PANK4: variants seen among roughly 807,000 people sequenced by gnomAD.
PANK4 encodes the protein pantothenate kinase 4 (inactive).
In PANK4, 40 loss-of-function variants were observed where a neutral mutation model predicts 87.9. The ratio of observed to expected loss-of-function variants is 0.46; its 90% confidence interval spans 0.35 to 0.59. The LOEUF (loss-of-function observed/expected upper bound fraction) is 0.59, where lower values mean the gene tolerates loss of function less well. PANK4 is among the 20% of genes least tolerant of loss of function. PANK4 has a pLI of 0.00. For missense variants in PANK4, 926 were observed against 1,072.3 expected, an observed-to-expected ratio of 0.86 and a Z score of 1.90; for synonymous variants, 524 against 467.4, an observed-to-expected ratio of 1.12 and a Z score of -1.56.
rs528581753 is a variant in PANK4, at chr1:2,508,964, G to A, written c.2205C>T (p.His735=). The A allele has an allele frequency of 6.6e-5, 107 of 1,610,072 alleles. No individual in the cohort carries two copies. The highest frequency in any genetic ancestry group is 8.4e-5 in the Non-Finnish European group (99 of 1,179,224). The part of the protein sequence containing the change: ...GMGRAVHTNY[H]AALRCESLKL... ...TGAGGCTCTCGCAGCGCAGGGCTGC[G>A]TGGTAGTTTGTGTGGACAGCACGGC... Residue 735 remains histidine (H), a synonymous_variant, in exon 19 of 19, where the codon CAC becomes CAT. Transcript: ENST00000378466. The surrounding 1 kb of genome is among the most constrained non-coding windows in gnomAD (Gnocchi z 5.1).
Position 2,520,307 on chromosome 1 carries a change from G to T in PANK4, c.699+15C>A. 6.2e-7 allele frequency: 1 copy of T among 1,609,958 alleles called. No homozygotes were observed. Among genetic ancestry groups the T allele is most frequent in the South Asian group, 1.1e-5 (1 of 91,046 alleles). On this transcript the variant is annotated intron_variant, in intron 5 of 18. Coordinates refer to ENST00000378466, the MANE Select transcript of PANK4 (RefSeq NM_018216.4). This position sits in a 1 kb window ranked among gnomAD's most constrained non-coding sequence, Gnocchi z 6.2. ...TCCGCAGACCCCTGGAAGGTCTCTGGCAGCTGCCGCATACCTTCGTTTTGG... is the reference window on the plus strand; with the variant it reads ...TCCGCAGACCCCTGGAAGGTCTCTGTCAGCTGCCGCATACCTTCGTTTTGG...
Position 2,519,900 on chromosome 1 carries a change from T to G in PANK4, c.754A>C (p.Met252Leu). The G allele has an allele frequency of 6.4e-7, 1 of 1,568,060 alleles. No individual in the cohort carries two copies. The highest frequency in any genetic ancestry group is 8.6e-7 in the Non-Finnish European group (1 of 1,156,520). The stretch of plus-strand genomic sequence containing the variant: ...CCGCCGTAGACGTCCCGCACCAGCA[T>G]GTCCACATTGCTGTGCTGGCCCCTC... ...ASRGQHSNVDMLVRDVYGGAH... is the reference protein window; with the variant it reads ...ASRGQHSNVDLLVRDVYGGAH... Residue 252 changes from methionine to leucine, a missense_variant, in exon 6 of 19, where the codon ATG (methionine) becomes CTG (leucine). Met to Leu is a conservative substitution (Grantham distance 15). Transcript: ENST00000378466. This position sits in a 1 kb window ranked among gnomAD's most constrained non-coding sequence, Gnocchi z 8.3.
intron 11 of PANK4, 54 bp from the exon 12 acceptor site, chr1:2,514,143 G>A (rs1643715262): frequency 1.7e-5 from 24 of 1,439,506 alleles, no homozygotes; most frequent in South Asian, 2.3e-5. Flanking sequence ...ACACCCGCCC[G>A]TCTGCCATCC....
chr1:2,514,643 T>C lies in PANK4; in HGVS notation c.1375-177A>G, dbSNP rs558296586. ...GGTGGGAGCCGGCTGTCGGGGGCTG[T>C]TTGGGGCAGGGTGGGGGCTAGCTAT... is the stretch of plus-strand genomic sequence containing the variant. On this transcript the variant is annotated intron_variant, in intron 10 of 18. Coordinates refer to ENST00000378466, the MANE Select transcript of PANK4 (RefSeq NM_018216.4). Among the ~76,000 whole-genome samples the C allele has an allele frequency of 1.4e-4, 9 of 65,072 alleles. No homozygotes were observed. The South Asian group carries it at 4.9e-3, about 35-fold the overall frequency. 42.7% of individuals were successfully genotyped at this position (65,072 alleles called of 152,430 possible).
intron 1 of PANK4, chr1:2,522,046 G>T: frequency 3.7e-6 from 2 of 547,138 alleles, no homozygotes; most frequent in Non-Finnish European, 6.6e-6. Context: ...AGCTCAAGAG[G>T]TCCCGCTTCC....
Position 2,520,637 on chromosome 1 carries a change from GC to G in PANK4, c.606+85del, listed in dbSNP as rs1410065049. ...CCCGCCCACTGGGCCCCATCCATGT[GC>G]CCAGCCCTGGCTCCTGCACACAGCG... is the stretch of plus-strand genomic sequence containing the variant. On this transcript the variant is annotated intron_variant, in intron 4 of 18. Coordinates refer to ENST00000378466, the MANE Select transcript of PANK4 (RefSeq NM_018216.4). This position sits in a 1 kb window ranked among gnomAD's most constrained non-coding sequence, Gnocchi z 6.2. 12 of 1,347,232 alleles carry G rather than the reference GC, an allele frequency of 8.9e-6. No homozygotes were observed. The highest frequency in any genetic ancestry group is 1.1e-5 in the Non-Finnish European group (11 of 961,388). 83.5% of individuals were successfully genotyped at this position (1,347,232 alleles called of 1,614,324 possible). A position where few individuals can be genotyped will look rare whatever the true frequency, so the allele number is the denominator to read the frequency against.
rs1643871978 is a variant in PANK4 at position 2,521,169 on chromosome 1, C to G, written c.354G>C (p.Lys118Asn). 6.2e-7 allele frequency: 1 copy of G among 1,614,002 alleles called. No homozygotes were observed. The highest frequency in any genetic ancestry group is 8.5e-7 in the Non-Finnish European group (1 of 1,180,024). ...IKDHLVNTET[K>N]VIQATGGGAY... ...CCCCGCCCCCGGTCGCCTGGATGAC[C>G]TTGGTCTCTGTGTTGACGAGATGGT... Residue 118 changes from lysine (K) to asparagine (N), a missense_variant, in exon 3 of 19, where the codon AAG becomes AAC. Lys to Asn is a moderately conservative substitution (Grantham distance 94, BLOSUM62 0). Coordinates refer to ENST00000378466, the MANE Select transcript of PANK4 (RefSeq NM_018216.4).
rs1424096869 is a variant in PANK4 at position 2,515,422 on chromosome 1, CCT to C, written c.1374+138_1374+139del. ...TTTGCCTGAGAAACCAAAATCGCCC[CCT>C]CACTCAGACGCAGATCAAGGGGTTT... On this transcript the variant is annotated intron_variant, in intron 10 of 18. Transcript: ENST00000378466. The surrounding 1 kb of genome is among the most constrained non-coding windows in gnomAD (Gnocchi z 5.0). 9 of 965,972 alleles carry C rather than the reference CCT, an allele frequency of 9.3e-6. No homozygotes were observed. The highest frequency in any genetic ancestry group is 1.5e-5 in the Non-Finnish European group (9 of 617,870). The allele number at this position is 965,972 out of a possible 1,614,324, so 59.8% of individuals were successfully genotyped here. A position where few individuals can be genotyped will look rare whatever the true frequency, so the allele number is the denominator to read the frequency against.
At chr1:2,526,013 G>T (rs1000462164) in intron 1 of PANK4, 1 of 152,274 alleles carries the variant, frequency 6.6e-6, no homozygotes, top group Non-Finnish European at 1.5e-5. Context: ...GCTTCCCGCC[G>T]AGCTCGTCCT....
In PANK4 at chr1:2,521,182, T is replaced by C. The variant is rs1344405086; in HGVS notation, c.341A>G (p.Asn114Ser). Residue 114 changes from asparagine (N) to serine (S), a missense_variant, in exon 3 of 19, where the codon AAC becomes AGC. Asn to Ser is a conservative substitution (Grantham distance 46). Transcript: ENST00000378466. ...CLDFIKDHLVNTETKVIQATG... is the reference protein window; with the variant it reads ...CLDFIKDHLVSTETKVIQATG... ...CGCCTGGATGACCTTGGTCTCTGTG[T>C]TGACGAGATGGTCTTTGATGAAGTC... The C allele has an allele frequency of 3.1e-6, 5 of 1,613,908 alleles. No individual in the cohort carries two copies. Among genetic ancestry groups the C allele is most frequent in the Non-Finnish European group, 4.2e-6 (5 of 1,180,024 alleles).
At position 2,519,903 on chromosome 1, in the gene PANK4, C is replaced by T. The variant is rs1310989654; in HGVS notation, c.751G>A (p.Asp251Asn). 6.4e-7 allele frequency: 1 copy of T among 1,568,056 alleles called. No individual in the cohort carries two copies. The highest frequency in any genetic ancestry group is 8.6e-7 in the Non-Finnish European group (1 of 1,156,496). ...CCGTAGACGTCCCGCACCAGCATGT[C>T]CACATTGCTGTGCTGGCCCCTCGAG... ...LASRGQHSNV[D>N]MLVRDVYGGA... Residue 251 changes from aspartate to asparagine, a missense_variant, in exon 6 of 19, where the codon GAC (aspartate) becomes AAC (asparagine). Physicochemically the swap from Asp to Asn is conservative, Grantham distance 23. Coordinates refer to ENST00000378466, the MANE Select transcript of PANK4 (RefSeq NM_018216.4). The surrounding 1 kb of genome is among the most constrained non-coding windows in gnomAD (Gnocchi z 8.3).
chr1:2,517,671 A>C (rs546102777), intron 9 of PANK4, among the ~76,000 whole-genome samples: 1 of 152,350 alleles, frequency 6.6e-6, no homozygotes, highest in South Asian at 2.1e-4. Flanking sequence ...AGCTCAGGCC[A>C]GGGCAAACCC....
Position 2,519,066 on chromosome 1 carries a change from T to C in PANK4, c.1035+77A>G. ...CCAGGCCTCCCTGGGGGTGCTGCGG[T>C]GTCTAACCAGCATGACTGATTGGGA... is the stretch of plus-strand genomic sequence containing the variant. On this transcript the variant is annotated intron_variant, in intron 7 of 18. Coordinates refer to ENST00000378466, the MANE Select transcript of PANK4 (RefSeq NM_018216.4). This position sits in a 1 kb window ranked among gnomAD's most constrained non-coding sequence, Gnocchi z 8.3. 7.3e-7 allele frequency: 1 copy of C among 1,368,028 alleles called. No individual in the cohort carries two copies. Among genetic ancestry groups the C allele is most frequent in the Non-Finnish European group, 1.0e-6 (1 of 981,118 alleles). The allele number at this position is 1,368,028 out of a possible 1,614,324, so 84.7% of individuals were successfully genotyped here.
intron 9 of PANK4, 97 bp downstream of exon 9, chr1:2,518,067 C>T (rs910160178): frequency 2.0e-5 from 14 of 684,574 alleles, no homozygotes; most frequent in African/African-American, 3.6e-5. Context: ...GCCTTTCAGC[C>T]GGGACAGCCA....
rs940808017 is a variant in PANK4, at chr1:2,512,909, C to T, written c.1706G>A (p.Trp569Ter). The T allele has an allele frequency of 1.2e-6, 2 of 1,612,708 alleles. No homozygotes were observed. The highest frequency in any genetic ancestry group is 1.7e-5 in the Admixed American group (1 of 60,000). ...CTACGCAGACACGGCTTTGGCCCCCCAGTCGAAGACATTCCCCGCCAGGAG... is the reference window on the plus strand; with the variant it reads ...CTACGCAGACACGGCTTTGGCCCCCTAGTCGAAGACATTCCCCGCCAGGAG... ...KGLLAGNVFD[W>*]GAKAVSAVLE... Residue 569 changes from tryptophan to a stop codon, truncating the protein, a stop_gained, in exon 13 of 19, where the codon TGG becomes TAG. Transcript: ENST00000378466. LOFTEE classifies it high-confidence loss of function.
chr1:2,515,584 C>T lies in PANK4; in HGVS notation c.1352G>A (p.Cys451Tyr). The change falls in exon 10 of 19, where the codon TGC (cysteine) becomes TAC (tyrosine). Residue 451 changes from cysteine (C) to tyrosine (Y), a missense_variant. Cys to Tyr is a radical substitution (Grantham distance 194). Coordinates refer to ENST00000378466, the MANE Select transcript of PANK4 (RefSeq NM_018216.4). This position sits in a 1 kb window ranked among gnomAD's most constrained non-coding sequence, Gnocchi z 5.0. ...DALARKYWLT[C>Y]FEEALDGVVK... ...CACCCCGTCCAGGGCCTCCTCAAAGCAGGTGAGCCAGTATTTTCGGGCCAG... is the reference window on the plus strand; with the variant it reads ...CACCCCGTCCAGGGCCTCCTCAAAGTAGGTGAGCCAGTATTTTCGGGCCAG... 2 of 1,613,086 alleles carry T rather than the reference C, an allele frequency of 1.2e-6. No homozygotes were observed. The highest frequency in any genetic ancestry group is 1.7e-6 in the Non-Finnish European group (2 of 1,179,980).
rs1010246604 is a variant in PANK4 at position 2,509,477 on chromosome 1, C to T, written c.2108+385G>A. ...TCTGCAATCAGGAGGACAGACAGCA[C>T]CACATACAATTGACTAATGACCTCC... On this transcript the variant is annotated intron_variant, in intron 18 of 18. Coordinates refer to ENST00000378466, the MANE Select transcript of PANK4 (RefSeq NM_018216.4). This position sits in a 1 kb window ranked among gnomAD's most constrained non-coding sequence, Gnocchi z 4.9. Among the ~76,000 whole-genome samples the T allele has an allele frequency of 1.3e-5, 2 of 152,180 alleles. No individual in the cohort carries two copies. The highest frequency in any genetic ancestry group is 2.9e-5 in the Non-Finnish European group (2 of 68,040).
In PANK4 at chr1:2,509,656, C is replaced by T. The variant is rs1470941975; in HGVS notation, c.2108+206G>A. On this transcript the variant is annotated intron_variant, in intron 18 of 18. Transcript: ENST00000378466. This position sits in a 1 kb window ranked among gnomAD's most constrained non-coding sequence, Gnocchi z 4.9. ...CCAAACCCAGCCCATGTGTAACCAC[C>T]TCAGACCCTGAATCCATTCACCCTC... The T allele has an allele frequency of 1.1e-5, 7 of 614,822 alleles. No individual in the cohort carries two copies. Among genetic ancestry groups the T allele is most frequent in the Admixed American group, 2.9e-5 (1 of 35,064 alleles). 38.1% of individuals were successfully genotyped at this position (614,822 alleles called of 1,614,324 possible).
Position 2,520,010 on chromosome 1 carries a change from G to A in PANK4, c.700-56C>T, listed in dbSNP as rs553093709. ...CGCCAGGAGCTGCTGGAATCCCCAC[G>A]ACCCCAGAAACCAAGCCCATGGCAG... On this transcript the variant is annotated intron_variant, in intron 5 of 18. Transcript: ENST00000378466. The surrounding 1 kb of genome is among the most constrained non-coding windows in gnomAD (Gnocchi z 6.2). 24 of 1,484,730 alleles carry A rather than the reference G, an allele frequency of 1.6e-5. No homozygotes were observed. The African/African-American group carries it at 2.1e-4, about 13-fold the overall frequency. The allele number at this position is 1,484,730 out of a possible 1,614,324, so 92.0% of individuals were successfully genotyped here.
Sources: gnomAD v4.1 joint callset for allele counts (sites outside exome capture counted in the v4.1 genomes callset) on GRCh38, gnomAD v4.1.1 for gene constraint, Gnocchi (gnomAD v3.1) non-coding constraint, MANE v1.5 for transcripts, NCBI Gene and HGNC (gene_info 2026-07-23, HGNC 2026-07-21) for gene names.